HOMER3: variants seen among roughly 807,000 people sequenced by gnomAD.
The protein encoded by HOMER3 is homer scaffold protein 3, also known as homer protein homolog 3.
HOMER3 carries 34 observed loss-of-function variants against 45.5 expected under a neutral mutation model. That is an observed-to-expected ratio of 0.75 (90% CI 0.57 to 1.00). The LOEUF is 1.00. HOMER3 is among the 50% of genes least tolerant of loss of function. The pLI is 0.00. For missense variants in HOMER3, 480 were observed against 497.5 expected (o/e 0.96, Z 0.33); for synonymous variants, 223 against 208.8 (o/e 1.07, Z -0.58).
intron 9 of HOMER3, among the ~76,000 whole-genome samples, chr19:18,930,181 C>G (rs1422582937): frequency 1.4e-5 from 2 of 144,550 alleles, no homozygotes; most frequent in South Asian, 4.5e-4. Context: ...GCTCAGAAGG[C>G]GGAGCTTGCA....
intron 6 of HOMER3, 27 bp downstream of exon 6, chr19:18,932,897 G>GGCCC: frequency 2.5e-6 from 1 of 403,898 alleles, no homozygotes. Flanking sequence ...CCCCGCCCCT[G>GGCCC]CCACGCCCCC....
rs2057027833 is a variant in HOMER3, at chr19:18,931,218, A to G, written c.894+107T>C. The G allele has an allele frequency of 3.0e-6, 3 of 993,166 alleles. No individual in the cohort carries two copies. The South Asian group carries it at 4.3e-5, about 14-fold the overall frequency. 61.5% of individuals were successfully genotyped at this position (993,166 alleles called of 1,614,324 possible). A position where few individuals can be genotyped will look rare whatever the true frequency, so the allele number is the denominator to read the frequency against. On this transcript the variant is annotated intron_variant, in intron 9 of 9. Transcript: ENST00000392351. Reference sequence around the variant, plus strand: ...ACCTGCTGGGCATCAGGCCTTCCACAGGACTGGGCCTCCCAATACTTTATC... The same window carrying G: ...ACCTGCTGGGCATCAGGCCTTCCACGGGACTGGGCCTCCCAATACTTTATC...
At position 18,929,302 on chromosome 19, in the gene HOMER3, CCCCAGCCCAGCCCGG is replaced by C. The variant is rs946300247; in HGVS notation, c.*126_*140del. ...AACAACCAGAGCCGACTGGGGCCCA[CCCCAGCCCAGCCCGG>C]CCCGGCCCACCCAGGGCTAAGTTGG... is the stretch of plus-strand genomic sequence containing the variant. On this transcript the variant is annotated 3_prime_UTR_variant, in exon 10 of 10. Coordinates refer to ENST00000392351, the MANE Select transcript of HOMER3 (RefSeq NM_004838.4). The C allele has an allele frequency of 1.1e-6, 1 of 952,016 alleles. No individual in the cohort carries two copies. Among genetic ancestry groups the C allele is most frequent in the Non-Finnish European group, 1.7e-6 (1 of 589,764 alleles). The allele number at this position is 952,016 out of a possible 1,614,324, so 59.0% of individuals were successfully genotyped here. A position where few individuals can be genotyped will look rare whatever the true frequency, so the allele number is the denominator to read the frequency against.
At position 18,931,587 on chromosome 19, in the gene HOMER3, GGTCACCTCTGAAGCTGCC is replaced by G. The variant is rs1568336185; in HGVS notation, c.711_728del (p.Gln237_Thr243delinsHis). ...CCAGCCCCTCCTTCTCACCGGTGGGGGTCACCTCTGAAGCTGCCTGAGCCTCCAGCTCAGCCACCTGTA... is the reference window on the plus strand; with the variant it reads ...CCAGCCCCTCCTTCTCACCGGTGGGGTGAGCCTCCAGCTCAGCCACCTGTA... On this transcript the variant is annotated inframe_deletion, in exon 8 of 10. Coordinates refer to ENST00000392351, the MANE Select transcript of HOMER3 (RefSeq NM_004838.4). 13 of 1,612,958 alleles carry G rather than the reference GGTCACCTCTGAAGCTGCC, an allele frequency of 8.1e-6. No homozygotes were observed. The highest frequency in any genetic ancestry group is 1.0e-5 in the Non-Finnish European group (12 of 1,179,924).
In HOMER3 at chr19:18,939,062, G is replaced by A. The variant is rs577845446; in HGVS notation, c.-67-13C>T. The A allele has an allele frequency of 1.4e-6, 2 of 1,387,956 alleles. No individual in the cohort carries two copies. Among genetic ancestry groups the A allele is most frequent in the East Asian group, 2.4e-5 (1 of 40,880 alleles). The allele number at this position is 1,387,956 out of a possible 1,614,324, so 86.0% of individuals were successfully genotyped here. On this transcript the variant is annotated splice_polypyrimidine_tract_variant and intron_variant, in intron 1 of 9. Transcript: ENST00000392351. Reference sequence around the variant, plus strand: ...ACTGGTTTGGCCCCTAGGGAGAGAGGAGGGACTATGAGTGTCCCTCAGGCC... The same window carrying A: ...ACTGGTTTGGCCCCTAGGGAGAGAGAAGGGACTATGAGTGTCCCTCAGGCC...
At chr19:18,938,540 A>AC in intron 3 of HOMER3, 56 bp from the exon 4 acceptor site, 1 of 1,581,640 alleles carries the variant, frequency 6.3e-7, no homozygotes, top group Non-Finnish European at 8.7e-7. Context: ...CAAACATGAA[A>AC]CCCCCCAGGT....
chr19:18,929,402 G>T lies in HOMER3; in HGVS notation c.*41C>A, dbSNP rs752441239. On this transcript the variant is annotated 3_prime_UTR_variant, in exon 10 of 10. Transcript: ENST00000392351. ...AACTATGCCGCCTGCAGCCTGGCCC[G>T]CATCCCAGGCCGGAATCGTTCATAG... 6 of 1,572,714 alleles carry T rather than the reference G, an allele frequency of 3.8e-6. No individual in the cohort carries two copies. The highest frequency in any genetic ancestry group is 5.2e-6 in the Non-Finnish European group (6 of 1,159,444).
intron 6 of HOMER3, 57 bp from the exon 7 acceptor site, chr19:18,932,189 C>G: frequency 1.2e-6 from 1 of 816,920 alleles, no homozygotes. Context: ...CGGAGTCGGG[C>G]GATGCTGGGC....
At chr19:18,935,152 T>TTG (rs1555715207) in intron 4 of HOMER3, among the ~76,000 whole-genome samples, 341 of 106,354 alleles carry the variant, frequency 3.2e-3, no homozygotes, top group Middle Eastern at 6.9e-3. Flanking sequence ...TTTTTTTTTT[T>TTG]GGGGGGGGAC....
chr19:18,935,418 G>A (rs1319821183), intron 4 of HOMER3, among the ~76,000 whole-genome samples: 9 of 152,112 alleles, frequency 5.9e-5, no homozygotes, highest in Admixed American at 5.9e-4. Context: ...TGACAGGTAT[G>A]AGCCAACATG....
At chr19:18,935,956 T>G (rs1246181192) in intron 4 of HOMER3, among the ~76,000 whole-genome samples, 4 of 149,682 alleles carry the variant, frequency 2.7e-5, no homozygotes, top group African/African-American at 9.8e-5. Context: ...GAGGTGGAGG[T>G]TGCAGTGAGC....
rs1452433901 is a variant in HOMER3, at chr19:18,931,418, G to A, written c.808-7C>T. ...TCTTCAGGGTCTGAATCTCCTAGAG[G>A]AGAAGAGTTCCCAGGGTCTGTTGCG... On this transcript the variant is annotated splice_region_variant and splice_polypyrimidine_tract_variant and intron_variant, in intron 8 of 9. Transcript: ENST00000392351. 2.5e-6 allele frequency: 4 copies of A among 1,613,954 alleles called. No homozygotes were observed. Among genetic ancestry groups the A allele is most frequent in the African/African-American group, 2.7e-5 (2 of 74,934 alleles).
At chr19:18,933,684 G>A (rs918334925) in intron 5 of HOMER3, among the ~76,000 whole-genome samples, 3 of 152,010 alleles carry the variant, frequency 2.0e-5, no homozygotes, top group African/African-American at 7.2e-5. Flanking sequence ...TCGTTGTTCT[G>A]CCTCACACTT....
chr19:18,938,704 G>GCCCCACCCCCA, intron 3 of HOMER3, 24 bp downstream of exon 3: 27 of 1,561,822 alleles, frequency 1.7e-5, no homozygotes, highest in Non-Finnish European at 2.3e-5. Flanking sequence ...TGGTGCCTCT[G>GCCCCACCCCCA]CCCCACCCAG....
intron 1 of HOMER3, chr19:18,939,757 T>C (rs2057134489): frequency 6.6e-6 from 1 of 152,184 alleles, no homozygotes; most frequent in African/African-American, 2.4e-5. Context: ...AAATGGGGCG[T>C]TGAGAGGTGT....
chr19:18,937,764 G>A (rs754460628), intron 4 of HOMER3, among the ~76,000 whole-genome samples: 3 of 151,880 alleles, frequency 2.0e-5, no homozygotes, highest in Non-Finnish European at 2.9e-5. Flanking sequence ...GTATAGAGAC[G>A]GCACAGGGTG....
At position 18,929,465 on chromosome 19, in the gene HOMER3, C is replaced by A. The variant is rs143852111; in HGVS notation, c.1064G>T (p.Arg355Leu). 1 of 1,595,228 alleles carries A rather than the reference C, an allele frequency of 6.3e-7. No individual in the cohort carries two copies. The highest frequency in any genetic ancestry group is 1.3e-5 in the African/African-American group (1 of 74,534). ...GGCTCAGGGCGCAGCCTCAGCCAGG[C>A]GGGCCAGGCCCTCACGCAGCTCACT... ...ELSELREGLA[R>L]LAEAAP is the part of the protein sequence containing the mutation. Residue 355 changes from arginine to leucine, a missense_variant, in exon 10 of 10, where the codon CGC becomes CTC. Transcript: ENST00000392351.
chr19:18,935,432 G>A (rs2057081735), intron 4 of HOMER3, among the ~76,000 whole-genome samples: 1 of 151,308 alleles, frequency 6.6e-6, no homozygotes. Flanking sequence ...CAACATGTGG[G>A]GTCCCTTTTA....
intron 9 of HOMER3, 33 bp from the exon 10 acceptor site, chr19:18,929,667 C>T: frequency 6.8e-7 from 1 of 1,463,654 alleles, no homozygotes; most frequent in Non-Finnish European, 9.1e-7. Context: ...GTTGGGGGCC[C>T]CAACAAATCA....
Sources: allele counts gnomAD v4.1 joint callset (sites outside exome capture counted in the v4.1 genomes callset), GRCh38; gene constraint gnomAD v4.1.1; transcripts MANE v1.5; gene names NCBI Gene and HGNC (gene_info 2026-07-23, HGNC 2026-07-21).